Variants in SH3PXD2A observed in about 807,000 individuals in gnomAD.
SH3PXD2A encodes the protein SH3 and PX domain-containing protein 2A.
In SH3PXD2A, 32 loss-of-function variants were observed where a neutral mutation model predicts 115.2. The observed-to-expected ratio is 0.28, with a 90% CI of 0.21 to 0.37. The LOEUF (loss-of-function observed/expected upper bound fraction) is 0.37. SH3PXD2A is among the 10% of genes least tolerant of loss of function. The probability of loss-of-function intolerance (pLI) is 1.00; values close to 1 mark genes in which losing one functional copy is unlikely to be tolerated. For missense variants in SH3PXD2A, 1,328 were observed against 1,498.7 expected (o/e 0.89, Z 1.88); for synonymous variants, 610 against 629.1 (o/e 0.97, Z 0.45).
At chr10:103,703,948 T>C (rs2037950956) in intron 5 of SH3PXD2A, among the ~76,000 whole-genome samples, 1 of 152,178 alleles carries the variant, frequency 6.6e-6, no homozygotes, top group South Asian at 2.1e-4. Context: ...AGGGTCTCTG[T>C]CTTCATTTAT....
intron 8 of SH3PXD2A, 72 bp downstream of exon 8, chr10:103,660,911 A>G: frequency 6.6e-7 from 1 of 1,506,458 alleles, no homozygotes; most frequent in East Asian, 2.3e-5. Context: ...GGGAGGAGGG[A>G]GGAACAAAAA....
chr10:103,636,924 G>T (rs2036875993), intron 8 of SH3PXD2A, among the ~76,000 whole-genome samples: 1 of 152,148 alleles, frequency 6.6e-6, no homozygotes, highest in African/African-American at 2.4e-5. Flanking sequence ...CTCACTGTTG[G>T]CGTGACCTGA....
intron 1 of SH3PXD2A, among the ~76,000 whole-genome samples, chr10:103,805,613 G>A (rs2039194188): frequency 6.6e-6 from 1 of 152,254 alleles, no homozygotes; most frequent in African/African-American, 2.4e-5. Flanking sequence ...AAAACTGGCA[G>A]GGCATGGTGG....
In SH3PXD2A at chr10:103,804,498, TG is replaced by T. The variant is rs1388130806; in HGVS notation, c.73-3137del. Among the ~76,000 whole-genome samples the T allele has an allele frequency of 5.3e-5, 8 of 151,746 alleles. No individual in the cohort carries two copies. In the East Asian group the frequency reaches 1.6e-3, roughly 30 times the overall value. ...CACCACGCCCGGCTAATTTTTTGTA[TG>T]TTTTAGTAGAGACAGGGTTTCACCA... On this transcript the variant is annotated intron_variant, in intron 1 of 14. Coordinates refer to ENST00000369774, the MANE Select transcript of SH3PXD2A (RefSeq NM_001394015.1).
intron 13 of SH3PXD2A, among the ~76,000 whole-genome samples, chr10:103,607,786 T>G (rs1356432119): frequency 3.3e-5 from 5 of 152,168 alleles, no homozygotes; most frequent in Non-Finnish European, 7.4e-5. Flanking sequence ...CATGGGAGAC[T>G]TTTCATTTTG....
intron 1 of SH3PXD2A, among the ~76,000 whole-genome samples, 180 bp from the exon 2 acceptor site, chr10:103,801,542 T>TACACACACACACACACACACACACAC (rs148335179): frequency 0.017 from 2,399 of 142,818 alleles, 52 homozygotes; most frequent in African/African-American, 0.025. Flanking sequence ...TATGTCTAAA[T>TACACACACACACACACACACACACAC]ACACACACAC....
At chr10:103,736,032 G>A (rs992335643) in intron 3 of SH3PXD2A, among the ~76,000 whole-genome samples, 1 of 152,172 alleles carries the variant, frequency 6.6e-6, no homozygotes, top group Non-Finnish European at 1.5e-5. Context: ...AGCCCTGGAG[G>A]CTGCCATCTT....
At chr10:103,853,783 A>C (rs1325400781) in intron 1 of SH3PXD2A, among the ~76,000 whole-genome samples, 1 of 152,090 alleles carries the variant, frequency 6.6e-6, no homozygotes, top group Non-Finnish European at 1.5e-5. Flanking sequence ...ACAAATGAGA[A>C]CCCTTAAAAC....
intron 4 of SH3PXD2A, among the ~76,000 whole-genome samples, chr10:103,730,420 G>A (rs1439300173): frequency 2.6e-5 from 4 of 151,898 alleles, no homozygotes; most frequent in African/African-American, 9.7e-5. Flanking sequence ...TGTCCTTCCA[G>A]CCCCACCTCT....
intron 6 of SH3PXD2A, among the ~76,000 whole-genome samples, chr10:103,685,810 A>G (rs1021419180): frequency 1.3e-5 from 2 of 152,214 alleles, no homozygotes; most frequent in Non-Finnish European, 2.9e-5. Flanking sequence ...CTGGCTCCAG[A>G]GTCCACGTTT....
At chr10:103,820,455 T>A (rs1373783077) in intron 1 of SH3PXD2A, among the ~76,000 whole-genome samples, 2 of 152,088 alleles carry the variant, frequency 1.3e-5, no homozygotes, top group Non-Finnish European at 2.9e-5. Flanking sequence ...CCCGCCCCAA[T>A]TCCCCGGTTC....
intron 5 of SH3PXD2A, among the ~76,000 whole-genome samples, chr10:103,694,735 G>C (rs773340267): frequency 4.6e-5 from 7 of 152,092 alleles, no homozygotes; most frequent in Non-Finnish European, 7.4e-5. Context: ...AAGGGCTGTG[G>C]TTTATAAGCC....
At chr10:103,852,610 C>T (rs1006822631) in intron 1 of SH3PXD2A, among the ~76,000 whole-genome samples, 8 of 152,178 alleles carry the variant, frequency 5.3e-5, no homozygotes, top group African/African-American at 1.4e-4. Flanking sequence ...GCTGACCACA[C>T]CAGAGGGCCT....
At chr10:103,791,113 G>C (rs962293965) in intron 2 of SH3PXD2A, among the ~76,000 whole-genome samples, 4 of 152,202 alleles carry the variant, frequency 2.6e-5, no homozygotes, top group Non-Finnish European at 1.5e-5. Context: ...CAGTGCCAAG[G>C]ACTGACACCC....
chr10:103,664,950 G>A (rs188051244), intron 7 of SH3PXD2A, among the ~76,000 whole-genome samples: 14 of 152,242 alleles, frequency 9.2e-5, no homozygotes, highest in Admixed American at 2.0e-4. Context: ...TGGGATTATA[G>A]GCATAAGCCA....
chr10:103,800,608 C>T (rs1466105516), intron 2 of SH3PXD2A, among the ~76,000 whole-genome samples: 1 of 152,188 alleles, frequency 6.6e-6, no homozygotes, highest in Non-Finnish European at 1.5e-5. Context: ...CCAATCACAT[C>T]TCCTTTGTGT....
chr10:103,767,561 C>T (rs575447897), intron 2 of SH3PXD2A, among the ~76,000 whole-genome samples: 6 of 152,282 alleles, frequency 3.9e-5, no homozygotes, highest in South Asian at 2.1e-4. Flanking sequence ...CTGGCCATCC[C>T]GAACCCTCTT....
At position 103,620,706 on chromosome 10, in the gene SH3PXD2A, G is replaced by T. The variant is rs1197506990; in HGVS notation, c.802+1764C>A. Reference sequence around the variant, plus strand: ...GAGGCTGGGACATTATGTTGTTTAGGTCTCTTATTTAAGAGAGAGAGAGAG... The same window carrying T: ...GAGGCTGGGACATTATGTTGTTTAGTTCTCTTATTTAAGAGAGAGAGAGAG... On this transcript the variant is annotated intron_variant, in intron 10 of 14. Coordinates refer to ENST00000369774, the MANE Select transcript of SH3PXD2A (RefSeq NM_001394015.1). The surrounding 1 kb of genome is among the most constrained non-coding windows in gnomAD (Gnocchi z 5.3). 6.6e-6 allele frequency among the ~76,000 whole-genome samples: 1 copy of T among 152,104 alleles called. No homozygotes were observed. Among genetic ancestry groups the T allele is most frequent in the Non-Finnish European group, 1.5e-5 (1 of 68,028 alleles).
At chr10:103,606,004 G>C (rs1453167382) in intron 13 of SH3PXD2A, 87 bp from the exon 14 acceptor site, 1 of 1,467,284 alleles carries the variant, frequency 6.8e-7, no homozygotes, top group Non-Finnish European at 9.3e-7. Flanking sequence ...CAGTCCCCAG[G>C]GGGTGCGGAT....
Sources: gnomAD v4.1 joint callset for allele counts (sites outside exome capture counted in the v4.1 genomes callset) on GRCh38, gnomAD v4.1.1 for gene constraint, Gnocchi (gnomAD v3.1) non-coding constraint, MANE v1.5 for transcripts, NCBI Gene and HGNC (gene_info 2026-07-23, HGNC 2026-07-21) for gene names.